Variants in COL5A3 observed in about 807,000 individuals in gnomAD.
The protein encoded by COL5A3 is collagen type V alpha 3 chain.
In COL5A3, 172 loss-of-function variants were observed where a neutral mutation model predicts 250.0. The ratio of observed to expected loss-of-function variants is 0.69; its 90% CI spans 0.61 to 0.78. The LOEUF is 0.78. Ranked by LOEUF, COL5A3 falls within the 30% of genes least tolerant of loss-of-function variation. COL5A3 has a pLI of 0.00. For synonymous variants in COL5A3, 937 were observed against 900.4 expected (o/e 1.04, Z -0.73); for missense variants, 2,340 against 2,334.4 (o/e 1.00, Z -0.05).
intron 39 of COL5A3, 37 bp from the exon 40 acceptor site, chr19:9,979,017 G>A (rs777389819): frequency 1.2e-5 from 18 of 1,518,152 alleles, no homozygotes; most frequent in South Asian, 1.0e-4. Context: ...AAGCTCCAGG[G>A]AGGGGATGTC....
chr19:9,985,918 A>T, intron 30 of COL5A3, 23 bp from the exon 31 acceptor site: 2 of 1,613,480 alleles, frequency 1.2e-6, no homozygotes, highest in Admixed American at 3.3e-5. Context: ...TATGGGACAA[A>T]GGTCAGAAAT....
At chr19:9,978,503 A>G in intron 41 of COL5A3, 71 bp downstream of exon 41, 2 of 1,024,186 alleles carry the variant, frequency 2.0e-6, no homozygotes, top group Non-Finnish European at 1.5e-6. Context: ...TTATCATGAC[A>G]ATGTCAAGCT....
chr19:9,982,018 C>T (rs1458444061), intron 32 of COL5A3, 47 bp downstream of exon 32: 1 of 1,426,570 alleles, frequency 7.0e-7, no homozygotes, highest in East Asian at 2.3e-5. Context: ...CATGCTGTTC[C>T]CCTCAGACAA....
In COL5A3 at chr19:9,960,409, T is replaced by C. The variant is rs769910548; in HGVS notation, c.*2A>G. 1.2e-5 allele frequency: 19 copies of C among 1,613,970 alleles called. No individual in the cohort carries two copies. The highest frequency in any genetic ancestry group is 1.6e-5 in the Non-Finnish European group (19 of 1,180,006). On this transcript the variant is annotated 3_prime_UTR_variant, in exon 67 of 67. Transcript: ENST00000264828. ...TCATGGTCCCTCCCACCCCGGACAC[T>C]CTCAGCTGCTGAAGCAGACGGGGCC...
chr19:9,982,636 A>G (rs536277242), intron 31 of COL5A3, among the ~76,000 whole-genome samples: 2 of 152,028 alleles, frequency 1.3e-5, no homozygotes, highest in East Asian at 3.9e-4. Context: ...TTGTTAACTG[A>G]CTCCAGTCCA....
In COL5A3 at chr19:9,968,926, C is replaced by T. The variant is rs111514748; in HGVS notation, c.4153-198G>A. 1,919 of 638,132 alleles carry T rather than the reference C, an allele frequency of 3.0e-3. 18 individuals carry two copies. In the African/African-American group the frequency reaches 0.031, roughly 10 times the overall value. 39.5% of individuals were successfully genotyped at this position (638,132 alleles called of 1,614,324 possible). On this transcript the variant is annotated intron_variant, in intron 57 of 66. Transcript: ENST00000264828. The surrounding 1 kb of genome is among the most constrained non-coding windows in gnomAD (Gnocchi z 4.1). ...GAGGGGTTGACTGGAGGATGGACAA[C>T]GTGAGTGGTCAGTGGCCAAGGTCAG... is the stretch of plus-strand genomic sequence containing the variant.
At chr19:9,996,878 A>G in intron 11 of COL5A3, 189 bp from the exon 12 acceptor site, 1 of 579,506 alleles carries the variant, frequency 1.7e-6, no homozygotes, top group Non-Finnish European at 3.0e-6. Flanking sequence ...GAAAAGACAG[A>G]GATGGAACAG....
In COL5A3 at chr19:10,001,863, TG is replaced by T. The variant is rs2087368756; in HGVS notation, c.867del (p.Lys290ArgfsTer22). On this transcript the variant is annotated frameshift_variant, in exon 7 of 67. Transcript: ENST00000264828. LOFTEE classifies it high-confidence loss of function. The stretch of plus-strand genomic sequence containing the variant: ...AGATTTGGAGCTGGAGTCTCTGTCT[TG>T]GGGATGTCAGTGGAGGTCTGGAGCA... Reference protein sequence around the residue: ...SAENQTSTDIPKTETPAPNLP... With the variant: ...SAENQTSTDIXKTETPAPNLP... 5 of 1,613,776 alleles carry T rather than the reference TG, an allele frequency of 3.1e-6. No homozygotes were observed. The highest frequency in any genetic ancestry group is 2.2e-5 in the South Asian group (2 of 91,036).
intron 45 of COL5A3, among the ~76,000 whole-genome samples, chr19:9,975,760 G>A (rs2086910212): frequency 6.6e-6 from 1 of 151,614 alleles, no homozygotes; most frequent in South Asian, 2.1e-4. Flanking sequence ...GGTTGGGTTG[G>A]GATTGAATCA....
intron 15 of COL5A3, 117 bp downstream of exon 15, chr19:9,995,949 C>A (rs2145127673): frequency 9.7e-7 from 1 of 1,036,100 alleles, no homozygotes; most frequent in South Asian, 2.1e-5. Flanking sequence ...CTAGGAAAGT[C>A]ATCAATTGCA....
intron 18 of COL5A3, 73 bp from the exon 19 acceptor site, chr19:9,993,506 TGG>T: frequency 6.3e-7 from 1 of 1,584,984 alleles, no homozygotes; most frequent in Non-Finnish European, 8.7e-7. Flanking sequence ...GGAAGGCAGA[TGG>T]GGTGTGAGGA....
Position 9,973,807 on chromosome 19 carries a change from G to T in COL5A3, c.3561C>A (p.Gly1187=). The T allele has an allele frequency of 6.2e-7, 1 of 1,613,978 alleles. No individual in the cohort carries two copies. Among genetic ancestry groups the T allele is most frequent in the Non-Finnish European group, 8.5e-7 (1 of 1,179,956 alleles). The part of the protein sequence containing the change: ...RGPQGPTGSE[G]TPGLPGGVGQ... Reference sequence around the variant, plus strand: ...CAACTCCTCCAGGCAGCCCTGGAGTGCCCTGGAGAGACAGCAAGGGGTAAG... The same window carrying T: ...CAACTCCTCCAGGCAGCCCTGGAGTTCCCTGGAGAGACAGCAAGGGGTAAG... Residue 1187 remains glycine (G), a splice_region_variant and synonymous_variant, in exon 49 of 67, where the codon GGC becomes GGA. Transcript: ENST00000264828.
Position 9,986,700 on chromosome 19 carries a change from C to T in COL5A3, c.2190+14G>A. 6.2e-7 allele frequency: 1 copy of T among 1,613,864 alleles called. No homozygotes were observed. The highest frequency in any genetic ancestry group is 1.1e-5 in the South Asian group (1 of 91,064). On this transcript the variant is annotated intron_variant, in intron 28 of 66. Coordinates refer to ENST00000264828, the MANE Select transcript of COL5A3 (RefSeq NM_015719.4). Reference sequence around the variant, plus strand: ...GGGACTCCCTCTCCTCTGATGAGTTCCTTCTCTCCTCACCTTCTCGCCTTT... The same window carrying T: ...GGGACTCCCTCTCCTCTGATGAGTTTCTTCTCTCCTCACCTTCTCGCCTTT...
At chr19:9,988,855 A>AAAAAAAGAGAGAAAGAGAAAG (rs1269531312) in intron 27 of COL5A3, among the ~76,000 whole-genome samples, 1 of 104,764 alleles carries the variant, frequency 9.5e-6, no homozygotes, top group South Asian at 3.0e-4. Flanking sequence ...AAAAAAAAAA[A>AAAAAAAGAGAGAAAGAGAAAG]AAAGAAAGTA....
chr19:9,973,558 AC>A lies in COL5A3; in HGVS notation c.3666+11del. 1.2e-6 allele frequency: 2 copies of A among 1,609,848 alleles called. No homozygotes were observed. Among genetic ancestry groups the A allele is most frequent in the Non-Finnish European group, 1.7e-6 (2 of 1,177,992 alleles). On this transcript the variant is annotated intron_variant, in intron 50 of 66. Transcript: ENST00000264828. ...GAGTTGGGTGCAGGGACCACATCAC[AC>A]AGTCACTCACCGGGATGCCTGGGGC...
At position 9,993,269 on chromosome 19, in the gene COL5A3, G is replaced by T. The variant is rs145583419; in HGVS notation, c.1749+111C>A. Reference sequence around the variant, plus strand: ...GTCTCACCTCCTCACCCCACAATTTGTCCCTAGCTCTCAAGCTGGCCACTG... The same window carrying T: ...GTCTCACCTCCTCACCCCACAATTTTTCCCTAGCTCTCAAGCTGGCCACTG... On this transcript the variant is annotated intron_variant, in intron 19 of 66. Transcript: ENST00000264828. 7.8e-6 allele frequency: 10 copies of T among 1,278,708 alleles called. No homozygotes were observed. The East Asian group carries it at 2.3e-4, about 30-fold the overall frequency. 79.2% of individuals were successfully genotyped at this position (1,278,708 alleles called of 1,614,324 possible).
In COL5A3 at chr19:9,976,607, G is replaced by T; in HGVS notation, c.3293C>A (p.Pro1098Gln). The T allele has an allele frequency of 6.3e-7, 1 of 1,576,302 alleles. No homozygotes were observed. The highest frequency in any genetic ancestry group is 1.9e-5 in the Admixed American group (1 of 52,740). Reference sequence around the variant, plus strand: ...ACCCCGTATCCCTGGTTGTCCAGGTGGGCCCTGGGAGAACAGGAAACAGAA... The same window carrying T: ...ACCCCGTATCCCTGGTTGTCCAGGTTGGCCCTGGGAGAACAGGAAACAGAA... The part of the protein sequence containing the change: ...GSKGDKGDAG[P>Q]PGQPGIRGPA... Residue 1098 changes from proline (P) to glutamine (Q), a missense_variant, in exon 45 of 67, where the codon CCA (proline) becomes CAA (glutamine). This residue lies in a region of COL5A3 where 1,179 missense variants were observed against 1,162.6 expected (regional missense o/e 1.01). Coordinates refer to ENST00000264828, the MANE Select transcript of COL5A3 (RefSeq NM_015719.4).
At chr19:10,005,128 G>A (rs1278643317) in intron 4 of COL5A3, among the ~76,000 whole-genome samples, 3 of 152,242 alleles carry the variant, frequency 2.0e-5, no homozygotes, top group Middle Eastern at 3.4e-3. Flanking sequence ...AGGCCAAGGC[G>A]GGTGGATCAC....
In COL5A3 at chr19:10,001,975, C is replaced by T. The variant is rs45619338; in HGVS notation, c.850-94G>A. 0.026 allele frequency: 21,984 copies of T among 841,682 alleles called. 449 individuals carry two copies. Among genetic ancestry groups the T allele is most frequent in the South Asian group, 0.06 (3,757 of 62,352 alleles). The allele number at this position is 841,682 out of a possible 1,614,324, so 52.1% of individuals were successfully genotyped here. A position where few individuals can be genotyped will look rare whatever the true frequency, so the allele number is the denominator to read the frequency against. ...CCACTGTCCCCAGGAGCTCCCAGTC[C>T]GGGGACAGGGACAGAGGAGGCTCCC... is the stretch of plus-strand genomic sequence containing the variant. On this transcript the variant is annotated intron_variant, in intron 6 of 66. Coordinates refer to ENST00000264828, the MANE Select transcript of COL5A3 (RefSeq NM_015719.4).
Sources: allele counts gnomAD v4.1 joint callset (sites outside exome capture counted in the v4.1 genomes callset), GRCh38; gene constraint gnomAD v4.1.1; regional missense constraint gnomAD v4.1.1; non-coding constraint Gnocchi (gnomAD v3.1); transcripts MANE v1.5; gene names NCBI Gene and HGNC (gene_info 2026-07-23, HGNC 2026-07-21).